CRPPA: variants seen among roughly 807,000 people sequenced by gnomAD.
CRPPA encodes CDP-L-ribitol pyrophosphorylase A, also known as D-ribitol-5-phosphate cytidylyltransferase.
Under a neutral mutation model 52.0 loss-of-function variants are expected in CRPPA, and 43 were observed. That is an observed-to-expected ratio of 0.83 (90% CI 0.65 to 1.07). The LOEUF is 1.07. CRPPA is among the 50% of genes least tolerant of loss of function. The pLI is 0.00. For synonymous variants in CRPPA, 250 were observed against 203.5 expected (o/e 1.23, Z -1.94); for missense variants, 629 against 551.7 (o/e 1.14, Z -1.40).
intron 9 of CRPPA, among the ~76,000 whole-genome samples, chr7:16,188,188 G>A (rs1198884168): frequency 6.6e-6 from 1 of 151,570 alleles, no homozygotes; most frequent in Non-Finnish European, 1.5e-5. Flanking sequence ...GTTTCACTGT[G>A]TTAGCCAGGA....
intron 9 of CRPPA, among the ~76,000 whole-genome samples, chr7:16,147,673 A>G (rs1388705409): frequency 1.3e-5 from 2 of 152,198 alleles, no homozygotes; most frequent in East Asian, 3.8e-4. Context: ...GAATTAAAAC[A>G]TGTCTGACAT....
rs183264628 is a variant in CRPPA at position 16,222,402 on chromosome 7, A to G, written c.1120-6205T>C. On this transcript the variant is annotated intron_variant, in intron 8 of 9. Transcript: ENST00000407010. The stretch of plus-strand genomic sequence containing the variant: ...TGGCACATGTATACATATGTAACTA[A>G]CCTGCACAATGTGCACATGTACCCT... 3.9e-3 allele frequency among the ~76,000 whole-genome samples: 595 copies of G among 150,934 alleles called. 3 individuals carry two copies. Among genetic ancestry groups the G allele is most frequent in the African/African-American group, 0.014 (563 of 41,148 alleles).
chr7:16,199,547 C>T (rs943519813), intron 9 of CRPPA, among the ~76,000 whole-genome samples: 9 of 152,038 alleles, frequency 5.9e-5, no homozygotes, highest in East Asian at 1.9e-4. Context: ...GAGCCCTCCT[C>T]GAAAAAATTA....
At chr7:16,211,482 T>C (rs572278977) in intron 9 of CRPPA, among the ~76,000 whole-genome samples, 1 of 152,286 alleles carries the variant, frequency 6.6e-6, no homozygotes, top group South Asian at 2.1e-4. Flanking sequence ...CCATGGAAAG[T>C]TTTGTGTGTT....
intron 3 of CRPPA, among the ~76,000 whole-genome samples, chr7:16,350,520 G>T (rs945841436): frequency 6.6e-5 from 10 of 152,052 alleles, no homozygotes; most frequent in Non-Finnish European, 1.5e-4. Flanking sequence ...TGTAGTTTGG[G>T]TATGCAATCA....
At chr7:16,384,003 T>C (rs1787188038) in intron 2 of CRPPA, among the ~76,000 whole-genome samples, 1 of 152,180 alleles carries the variant, frequency 6.6e-6, no homozygotes. Context: ...CTGCACTCAC[T>C]GTCCTGCGCC....
chr7:16,208,748 A>G (rs1023264570), intron 9 of CRPPA, among the ~76,000 whole-genome samples: 1 of 152,192 alleles, frequency 6.6e-6, no homozygotes, highest in African/African-American at 2.4e-5. Flanking sequence ...TGCCTGGGTA[A>G]TTTTGAAGGA....
At chr7:16,182,512 G>A (rs1222920262) in intron 9 of CRPPA, among the ~76,000 whole-genome samples, 1 of 152,098 alleles carries the variant, frequency 6.6e-6, no homozygotes, top group Non-Finnish European at 1.5e-5. Flanking sequence ...TTAAATAAGT[G>A]AAGTATTTCA....
At chr7:16,296,862 C>G (rs1405910739) in intron 5 of CRPPA, among the ~76,000 whole-genome samples, 1 of 152,152 alleles carries the variant, frequency 6.6e-6, no homozygotes, top group Non-Finnish European at 1.5e-5. Context: ...TTCTAGAAGA[C>G]TGTACTATGT....
chr7:16,324,927 G>C (rs1317574196), intron 3 of CRPPA, among the ~76,000 whole-genome samples: 2 of 152,108 alleles, frequency 1.3e-5, no homozygotes, highest in Non-Finnish European at 2.9e-5. Context: ...CCTTTTTTAA[G>C]GAAATGTCTA....
intron 9 of CRPPA, among the ~76,000 whole-genome samples, chr7:16,101,123 T>C (rs2128363884): frequency 6.6e-6 from 1 of 152,288 alleles, no homozygotes; most frequent in East Asian, 1.9e-4. Flanking sequence ...ACTTTTTTTG[T>C]TGTGTCTCTG....
intron 3 of CRPPA, among the ~76,000 whole-genome samples, chr7:16,362,845 G>C (rs1013056936): frequency 1.3e-5 from 2 of 151,882 alleles, no homozygotes; most frequent in Non-Finnish European, 2.9e-5. Flanking sequence ...TTTTTGGCTT[G>C]ATAAGGCTTG....
At chr7:16,304,264 G>A (rs1424427890) in intron 4 of CRPPA, among the ~76,000 whole-genome samples, 4 of 151,954 alleles carry the variant, frequency 2.6e-5, no homozygotes, top group South Asian at 2.1e-4. Context: ...AGTGCTTATC[G>A]CCCTGGTGGG....
intron 3 of CRPPA, among the ~76,000 whole-genome samples, chr7:16,320,682 T>C (rs1027432939): frequency 2.0e-5 from 3 of 152,142 alleles, no homozygotes; most frequent in Admixed American, 6.6e-5. Flanking sequence ...ATGTTTCAAG[T>C]AGAAACAAAA....
intron 2 of CRPPA, among the ~76,000 whole-genome samples, chr7:16,396,101 C>T (rs1241025725): frequency 1.3e-5 from 2 of 152,088 alleles, no homozygotes; most frequent in Non-Finnish European, 2.9e-5. Flanking sequence ...AGGATTTAAA[C>T]AAGTATCAAA....
At chr7:16,126,580 T>C (rs1035739029) in intron 9 of CRPPA, among the ~76,000 whole-genome samples, 1 of 152,176 alleles carries the variant, frequency 6.6e-6, no homozygotes, top group African/African-American at 2.4e-5. Context: ...CATATCCAAA[T>C]GAGAATTAAA....
At chr7:16,168,732 A>G (rs1490803747) in intron 9 of CRPPA, among the ~76,000 whole-genome samples, 1 of 152,178 alleles carries the variant, frequency 6.6e-6, no homozygotes, top group East Asian at 1.9e-4. Context: ...CTGTACAAAT[A>G]AATTGTCTTG....
intron 3 of CRPPA, among the ~76,000 whole-genome samples, chr7:16,318,926 C>A (rs1401047959): frequency 6.6e-6 from 1 of 152,190 alleles, no homozygotes; most frequent in Non-Finnish European, 1.5e-5. Flanking sequence ...TTCTGTATCT[C>A]TAAATTACAT....
chr7:16,311,933 T>C (rs12666346), intron 3 of CRPPA, among the ~76,000 whole-genome samples: 15,859 of 152,092 alleles, frequency 0.1, 1,095 homozygotes, highest in East Asian at 0.36. Flanking sequence ...TGATTACATT[T>C]ATGTGATTCT....
Sources: allele counts gnomAD v4.1 joint callset (sites outside exome capture counted in the v4.1 genomes callset), GRCh38; gene constraint gnomAD v4.1.1; transcripts MANE v1.5; gene names NCBI Gene and HGNC (gene_info 2026-07-23, HGNC 2026-07-21).